DIDO1: variants seen among roughly 807,000 people sequenced by gnomAD.
DIDO1 encodes the protein death inducer-obliterator 1.
DIDO1 carries 16 observed loss-of-function variants against 99.4 expected under a neutral mutation model. The ratio of observed to expected loss-of-function variants is 0.16; its 90% CI spans 0.11 to 0.24. DIDO1 has a LOEUF of 0.24. Among genes scored for constraint, DIDO1 ranks in the 10% least tolerant of loss-of-function variants. The pLI is 1.00. For synonymous variants in DIDO1, 1,366 were observed against 1,239.1 expected (o/e 1.10, Z -2.15); for missense variants, 2,996 against 3,014.0 (o/e 0.99, Z 0.14).
chr20:62,891,046 T>G lies in DIDO1; in HGVS notation c.3455A>C (p.Asn1152Thr). The change falls in exon 15 of 16, where the codon AAC (asparagine) becomes ACC (threonine). Residue 1152 changes from asparagine (N) to threonine (T), a missense_variant. Coordinates refer to ENST00000395343, the MANE Select transcript of DIDO1 (RefSeq NM_001193369.2). ...GTAGAGGTCCTTGACGTGCCTGTTG[T>G]TATTAGCTACAACACCAAAGCGGCC... ...SRGRFGVVAN[N>T]NRHVKDLYLI... is the part of the protein sequence containing the mutation. 6.2e-7 allele frequency: 1 copy of G among 1,614,124 alleles called. No individual in the cohort carries two copies. Among genetic ancestry groups the G allele is most frequent in the Non-Finnish European group, 8.5e-7 (1 of 1,180,020 alleles).
At chr20:62,916,848 C>G (rs973547565) in intron 1 of DIDO1, among the ~76,000 whole-genome samples, 1 of 152,214 alleles carries the variant, frequency 6.6e-6, no homozygotes, top group African/African-American at 2.4e-5. Flanking sequence ...TTAGCTGAAA[C>G]AGAATTTGCA....
exon 1 of DIDO1, chr20:62,937,837 A>G (rs1276909707): frequency 5.0e-6 from 2 of 398,052 alleles, no homozygotes; most frequent in Non-Finnish European, 8.9e-6. Flanking sequence ...TCCCGGTTCC[A>G]GATTTCCGCG....
chr20:62,894,262 G>T lies in DIDO1; in HGVS notation c.2573-68C>A, dbSNP rs568476324. On this transcript the variant is annotated intron_variant, in intron 11 of 15. Transcript: ENST00000395343. This position sits in a 1 kb window ranked among gnomAD's most constrained non-coding sequence, Gnocchi z 4.4. ...ACACTGGTGTTTCTCACACAAAGCC[G>T]AAAGCAATACTCTAAAGGCAGGGCA... is the stretch of plus-strand genomic sequence containing the variant. The T allele has an allele frequency of 1.3e-6, 2 of 1,582,656 alleles. No homozygotes were observed. The highest frequency in any genetic ancestry group is 1.1e-5 in the South Asian group (1 of 87,782).
chr20:62,916,161 T>C (rs1447579364), intron 1 of DIDO1, among the ~76,000 whole-genome samples: 1 of 152,164 alleles, frequency 6.6e-6, no homozygotes, highest in African/African-American at 2.4e-5. Context: ...ACACAGCCCA[T>C]CACAGGGGGA....
chr20:62,905,239 A>C, intron 6 of DIDO1: 1 of 1,304,254 alleles, frequency 7.7e-7, no homozygotes, highest in Non-Finnish European at 9.8e-7. Context: ...ACAGTGTTCT[A>C]GGTGTGAACT....
intron 1 of DIDO1, among the ~76,000 whole-genome samples, chr20:62,915,959 A>G (rs1241586192): frequency 2.0e-5 from 3 of 152,250 alleles, no homozygotes; most frequent in African/African-American, 7.2e-5. Flanking sequence ...TCAATGAAGG[A>G]TATACCTTCG....
chr20:62,911,552 T>C lies in DIDO1; in HGVS notation c.61A>G (p.Lys21Glu). The change falls in exon 3 of 16, where the codon AAA (lysine) becomes GAA (glutamate). Residue 21 changes from lysine to glutamate, a missense_variant. By Grantham distance (56) the Lys-to-Glu change is moderately conservative. Transcript: ENST00000395343. The surrounding 1 kb of genome is among the most constrained non-coding windows in gnomAD (Gnocchi z 7.0). ...AAACCCCATGTTTTCCTGAACTCTT[T>C]GCTGGTGGGTTTGATGGCCTTAGGT... The part of the protein sequence containing the change: ...EAPKAIKPTS[K>E]EFRKTWGFRR... 6.2e-7 allele frequency: 1 copy of C among 1,611,306 alleles called. No individual in the cohort carries two copies. Among genetic ancestry groups the C allele is most frequent in the East Asian group, 2.2e-5 (1 of 44,822 alleles).
At chr20:62,907,493 T>A (rs940198265) in intron 4 of DIDO1, 134 bp from the exon 5 acceptor site, 60 of 845,470 alleles carry the variant, frequency 7.1e-5, no homozygotes, top group Non-Finnish European at 1.0e-4. Flanking sequence ...ACTTTTAATA[T>A]GAATAAACAT....
Position 62,882,074 on chromosome 20 carries a change from C to T in DIDO1, c.3882G>A (p.Ala1294=), listed in dbSNP as rs756191111. 40 of 1,613,466 alleles carry T rather than the reference C, an allele frequency of 2.5e-5. No individual in the cohort carries two copies. The Middle Eastern group carries it at 4.9e-4, about 20-fold the overall frequency. The change falls in exon 16 of 16, where the codon GCG becomes GCA. Residue 1294 remains alanine, a synonymous_variant. Transcript: ENST00000395343. ...PSPATAATTA[A]AASTAASSTA... The stretch of plus-strand genomic sequence containing the variant: ...TGGAGGAAGCTGCCGTGGAGGCTGC[C>T]GCTGCTGTTGTGGCTGCTGTGGCTG...
intron 1 of DIDO1, among the ~76,000 whole-genome samples, chr20:62,922,036 T>C (rs2065152576): frequency 6.8e-6 from 1 of 146,442 alleles, no homozygotes; most frequent in Non-Finnish European, 1.5e-5. Flanking sequence ...ATCCACACGA[T>C]ATATATACAC....
chr20:62,881,239 C>T lies in DIDO1; in HGVS notation c.4717G>A (p.Gly1573Arg), dbSNP rs747962845. Residue 1573 changes from glycine to arginine, a missense_variant, in exon 16 of 16, where the codon GGG becomes AGG. By Grantham distance (125) the Gly-to-Arg change is moderately radical. This residue lies in a region of DIDO1 where 1,562 missense variants were observed against 1,412.6 expected (regional missense o/e 1.11). Coordinates refer to ENST00000395343, the MANE Select transcript of DIDO1 (RefSeq NM_001193369.2). The surrounding 1 kb of genome is among the most constrained non-coding windows in gnomAD (Gnocchi z 8.3). ...AGCCTGGAGAGAGGCTCCCCCTCCC[C>T]CTCACCGGTCTCAGTGGCCAGGCGC... ...ARRLATETGE[G>R]EGEPLSRLSA... The T allele has an allele frequency of 3.1e-6, 5 of 1,603,162 alleles. No homozygotes were observed. The highest frequency in any genetic ancestry group is 2.2e-5 in the South Asian group (2 of 90,530).
upstream of DIDO1, among the ~76,000 whole-genome samples, chr20:62,929,693 G>GTATATATATATATATATATATATA (rs565069048): frequency 0.023 from 2,229 of 97,248 alleles, 321 homozygotes; most frequent in East Asian, 0.048. Flanking sequence ...AAAAGAAAAA[G>GTATATATATATATATATATATATA]TGTATATATA....
At chr20:62,936,497 G>GT (rs1446115200) in intron 1 of DIDO1, among the ~76,000 whole-genome samples, 1 of 151,862 alleles carries the variant, frequency 6.6e-6, no homozygotes, top group Non-Finnish European at 1.5e-5. Flanking sequence ...GGAGGTTGCA[G>GT]TGAGTCGAGA....
chr20:62,890,448 G>A (rs989067078), intron 15 of DIDO1: 8 of 991,018 alleles, frequency 8.1e-6, no homozygotes, highest in Non-Finnish European at 9.6e-6. Context: ...TGCCAAAGAT[G>A]AATGAACCTA....
At position 62,881,414 on chromosome 20, in the gene DIDO1, G is replaced by A; in HGVS notation, c.4542C>T (p.Phe1514=). Residue 1514 remains phenylalanine (F), a synonymous_variant, in exon 16 of 16, where the codon TTC becomes TTT. Transcript: ENST00000395343. This position sits in a 1 kb window ranked among gnomAD's most constrained non-coding sequence, Gnocchi z 8.3. ...GAGACATCAAGGCGTCCGACACCGAGAAGTGGGCCATGGAGACCCCGACGG... is the reference window on the plus strand; with the variant it reads ...GAGACATCAAGGCGTCCGACACCGAAAAGTGGGCCATGGAGACCCCGACGG... ...RAAVGVSMAH[F]SVSDALMSPP... The A allele has an allele frequency of 6.2e-7, 1 of 1,607,902 alleles. No individual in the cohort carries two copies. Among genetic ancestry groups the A allele is most frequent in the Non-Finnish European group, 8.5e-7 (1 of 1,179,972 alleles).
chr20:62,895,179 T>G lies in DIDO1; in HGVS notation c.2215-14A>C, dbSNP rs747831404. ...ATGGAAGAGTCCCTATAAACAAGTA[T>G]TTTTCATTTACTCAAATAATATTCC... On this transcript the variant is annotated splice_polypyrimidine_tract_variant and intron_variant, in intron 8 of 15. Transcript: ENST00000395343. 4.4e-6 allele frequency: 7 copies of G among 1,588,116 alleles called. No homozygotes were observed. In the East Asian group the frequency reaches 6.8e-5, roughly 15 times the overall value.
chr20:62,912,320 T>C (rs2064960988), intron 2 of DIDO1, among the ~76,000 whole-genome samples: 1 of 152,204 alleles, frequency 6.6e-6, no homozygotes, highest in African/African-American at 2.4e-5. Flanking sequence ...GATTGTGTGG[T>C]ATGAAATAAA....
chr20:62,907,070 ACAAAC>A, intron 5 of DIDO1, 72 bp downstream of exon 5: 2 of 1,517,206 alleles, frequency 1.3e-6, no homozygotes, highest in Non-Finnish European at 9.1e-7. Flanking sequence ...CACACGGTCT[ACAAAC>A]CAACAGTTCT....
chr20:62,916,945 T>A (rs2065048368), intron 1 of DIDO1, among the ~76,000 whole-genome samples: 1 of 152,256 alleles, frequency 6.6e-6, no homozygotes. Flanking sequence ...TGGACCCATG[T>A]GCATGCTGTT....
Sources: gnomAD v4.1 joint callset for allele counts (sites outside exome capture counted in the v4.1 genomes callset) on GRCh38, gnomAD v4.1.1 for gene constraint, gnomAD v4.1.1 regional missense constraint, Gnocchi (gnomAD v3.1) non-coding constraint, MANE v1.5 for transcripts, NCBI Gene and HGNC (gene_info 2026-07-23, HGNC 2026-07-21) for gene names.